NRDC: variants seen among roughly 807,000 people sequenced by gnomAD.
NRDC encodes nardilysin.
A neutral mutation model predicts 147.1 loss-of-function variants in NRDC; 54 were observed. That is an observed-to-expected ratio of 0.37 (90% CI 0.29 to 0.46). NRDC has a LOEUF of 0.46. NRDC is among the 20% of genes least tolerant of loss of function. The probability of loss-of-function intolerance (pLI) is 1.00; values close to 1 mark genes in which losing one functional copy is unlikely to be tolerated. For missense variants in NRDC, 1,082 were observed against 1,370.6 expected, an observed-to-expected ratio of 0.79 and a Z score of 3.33; for synonymous variants, 440 against 482.1, an observed-to-expected ratio of 0.91 and a Z score of 1.14.
chr1:51,790,360 C>A (rs1557893507), intron 29 of NRDC, among the ~76,000 whole-genome samples, 173 bp downstream of exon 29: 1 of 152,182 alleles, frequency 6.6e-6, no homozygotes, highest in Non-Finnish European at 1.5e-5. Flanking sequence ...CACGTGGCCA[C>A]CTAAGGTGCT....
Position 51,853,081 on chromosome 1 carries a change from A to C in NRDC, c.342-12567T>G, listed in dbSNP as rs957342930. 2.0e-5 allele frequency among the ~76,000 whole-genome samples: 3 copies of C among 151,938 alleles called. No individual in the cohort carries two copies. In the East Asian group the frequency reaches 5.8e-4, roughly 29 times the overall value. ...TACTAAAAATACAAAAAAATTAGCC[A>C]GATGTGGTGGCGTGTGCCTGTAATC... On this transcript the variant is annotated intron_variant, in intron 1 of 30. Coordinates refer to ENST00000352171, the MANE Select transcript of NRDC (RefSeq NM_001101662.2).
At chr1:51,874,689 T>C (rs1415485038) in intron 1 of NRDC, among the ~76,000 whole-genome samples, 3 of 152,066 alleles carry the variant, frequency 2.0e-5, no homozygotes, top group Non-Finnish European at 4.4e-5. Flanking sequence ...TCAACACCAA[T>C]AAAAATTTGA....
intron 1 of NRDC, among the ~76,000 whole-genome samples, chr1:51,870,157 T>C (rs897152595): frequency 2.0e-5 from 3 of 152,218 alleles, no homozygotes; most frequent in African/African-American, 7.2e-5. Context: ...CAAATATTAT[T>C]TGAGAACCTA....
At chr1:51,799,573 G>A (rs1679091883) in intron 21 of NRDC, among the ~76,000 whole-genome samples, 1 of 152,136 alleles carries the variant, frequency 6.6e-6, no homozygotes, top group Non-Finnish European at 1.5e-5. Flanking sequence ...TAGATGCCCA[G>A]GGCAAAACTG....
At chr1:51,791,265 CT>C (rs1224001532) in intron 27 of NRDC, among the ~76,000 whole-genome samples, 1 of 152,128 alleles carries the variant, frequency 6.6e-6, no homozygotes, top group Non-Finnish European at 1.5e-5. Flanking sequence ...AAGCTGAAAA[CT>C]AACAGGTTTC....
At chr1:51,835,210 C>T (rs1261282778) in intron 3 of NRDC, among the ~76,000 whole-genome samples, 2 of 151,666 alleles carry the variant, frequency 1.3e-5, no homozygotes, top group African/African-American at 4.8e-5. Flanking sequence ...TCTAGGTGTG[C>T]GCCACCATGC....
chr1:51,837,450 T>C, intron 2 of NRDC: 2 of 1,493,956 alleles, frequency 1.3e-6, no homozygotes, highest in South Asian at 1.4e-5. Context: ...CAAACCACAA[T>C]CTAACCTGTT....
chr1:51,801,686 A>G (rs1275143956), intron 20 of NRDC, among the ~76,000 whole-genome samples: 1 of 152,194 alleles, frequency 6.6e-6, no homozygotes, highest in African/African-American at 2.4e-5. Context: ...CAATAACAGA[A>G]TAATAGAGAT....
At chr1:51,847,627 AGCCCCTCACT>A (rs1310921830) in intron 1 of NRDC, among the ~76,000 whole-genome samples, 1 of 152,208 alleles carries the variant, frequency 6.6e-6, no homozygotes, top group African/African-American at 2.4e-5. Context: ...CTGGGTGCTA[AGCCCCTCACT>A]GCCAGGGGCC....
rs77082663 is a variant in NRDC at position 51,846,129 on chromosome 1, T to G, written c.342-5615A>C. Among the ~76,000 whole-genome samples the G allele has an allele frequency of 2.5e-4, 38 of 151,382 alleles. No homozygotes were observed. In the East Asian group the frequency reaches 6.8e-3, roughly 27 times the overall value. ...TTACACTTTATAATTTTTTTTTTTT[T>G]GAGACCAAGCCTCACTCTGACGCCC... On this transcript the variant is annotated intron_variant, in intron 1 of 30. Transcript: ENST00000352171.
intron 29 of NRDC, among the ~76,000 whole-genome samples, chr1:51,790,316 TTGG>T (rs766908473): frequency 6.6e-6 from 1 of 152,174 alleles, no homozygotes; most frequent in African/African-American, 2.4e-5. Flanking sequence ...CTGATTGAAA[TTGG>T]TGGTGGTGTG....
intron 1 of NRDC, among the ~76,000 whole-genome samples, chr1:51,855,635 A>G (rs2124034829): frequency 6.6e-6 from 1 of 152,258 alleles, no homozygotes; most frequent in South Asian, 2.1e-4. Flanking sequence ...AAGAGAAAAA[A>G]ACCCTATTAA....
In NRDC at chr1:51,864,017, CAA is replaced by C. The variant is rs1423383602; in HGVS notation, c.341+14256_341+14257del. On this transcript the variant is annotated intron_variant, in intron 1 of 30. Transcript: ENST00000352171. ...TACAGTTGGGGAAAATCATCCAACA[CAA>C]AGTCTATTTTATAATGAAGTGTTGA... Among the ~76,000 whole-genome samples, 3 of 152,276 alleles carry C rather than the reference CAA, an allele frequency of 2.0e-5. No individual in the cohort carries two copies. The East Asian group carries it at 5.8e-4, about 29-fold the overall frequency.
intron 29 of NRDC, 144 bp downstream of exon 29, chr1:51,790,389 A>C: frequency 1.5e-6 from 1 of 672,592 alleles, no homozygotes; most frequent in Non-Finnish European, 2.6e-6. Flanking sequence ...CAGTCTGAAA[A>C]CTCAGGAAGT....
rs1680507239 is a variant in NRDC at position 51,827,703 on chromosome 1, T to C, written c.940+93A>G. The C allele has an allele frequency of 7.5e-6, 7 of 930,882 alleles. No homozygotes were observed. The South Asian group carries it at 1.0e-4, about 14-fold the overall frequency. 57.7% of individuals were successfully genotyped at this position (930,882 alleles called of 1,614,324 possible). A position where few individuals can be genotyped will look rare whatever the true frequency, so the allele number is the denominator to read the frequency against. On this transcript the variant is annotated intron_variant, in intron 5 of 30. Transcript: ENST00000352171. ...AATTTAGTCCTTTAAAATATAAAGA[T>C]AAAATGGTCTAGAGATAAAGAAGGA...
chr1:51,828,463 G>A (rs949870496), intron 4 of NRDC, among the ~76,000 whole-genome samples: 22 of 152,022 alleles, frequency 1.4e-4, no homozygotes, highest in Middle Eastern at 3.4e-3. Flanking sequence ...GACTAAAAAC[G>A]TTTCAGTTAA....
Position 51,794,324 on chromosome 1 carries a change from G to A in NRDC, c.2775+148C>T. The A allele has an allele frequency of 5.5e-6, 4 of 733,192 alleles. No homozygotes were observed. In the South Asian group the frequency reaches 7.5e-5, roughly 14 times the overall value. 45.4% of individuals were successfully genotyped at this position (733,192 alleles called of 1,614,324 possible). A position where few individuals can be genotyped will look rare whatever the true frequency, so the allele number is the denominator to read the frequency against. Reference sequence around the variant, plus strand: ...GAAAAAGGATCCATTTTACCAACAGGAGCAATTTTTAAATGTAGTTGCTTC... The same window carrying A: ...GAAAAAGGATCCATTTTACCAACAGAAGCAATTTTTAAATGTAGTTGCTTC... On this transcript the variant is annotated intron_variant, in intron 24 of 30. Transcript: ENST00000352171.
intron 14 of NRDC, 81 bp downstream of exon 14, chr1:51,813,953 CA>C (rs1338614659): frequency 1.1e-6 from 1 of 917,890 alleles, no homozygotes; most frequent in Non-Finnish European, 1.8e-6. Context: ...ACTCCACCGA[CA>C]CTTTCAAAAA....
chr1:51,844,603 C>T (rs1379715699), intron 1 of NRDC, among the ~76,000 whole-genome samples: 2 of 151,620 alleles, frequency 1.3e-5, no homozygotes, highest in Non-Finnish European at 2.9e-5. Context: ...ATTAGCCAGG[C>T]ATGGCGGCGC....
Sources: gnomAD v4.1 joint callset for allele counts (sites outside exome capture counted in the v4.1 genomes callset) on GRCh38, gnomAD v4.1.1 for gene constraint, MANE v1.5 for transcripts, NCBI Gene and HGNC (gene_info 2026-07-23, HGNC 2026-07-21) for gene names.